Variants in SEMA5A observed in about 807,000 individuals in gnomAD.
SEMA5A encodes semaphorin 5A.
SEMA5A carries 55 observed loss-of-function variants against 135.5 expected under a neutral mutation model. The observed-to-expected ratio is 0.41, with a 90% CI of 0.33 to 0.51. The LOEUF (loss-of-function observed/expected upper bound fraction) is 0.51. Among genes scored for constraint, SEMA5A ranks in the 20% least tolerant of loss-of-function variants. The pLI is 0.37. For missense variants in SEMA5A, 1,290 were observed against 1,419.9 expected (o/e 0.91, Z 1.47); for synonymous variants, 580 against 546.5 (o/e 1.06, Z -0.85).
At position 9,379,807 on chromosome 5, in the gene SEMA5A, C is replaced by A. The variant is rs772418868; in HGVS notation, c.124+16G>T. 7 of 1,611,868 alleles carry A rather than the reference C, an allele frequency of 4.3e-6. No homozygotes were observed. Among genetic ancestry groups the A allele is most frequent in the African/African-American group, 1.3e-5 (1 of 74,660 alleles). On this transcript the variant is annotated intron_variant, in intron 3 of 22. Transcript: ENST00000382496. Reference sequence around the variant, plus strand: ...TTAGATGACGGCTTTGCAATCAGTGCGTGCTGGTTCCTTACCTTTATAGGA... The same window carrying A: ...TTAGATGACGGCTTTGCAATCAGTGAGTGCTGGTTCCTTACCTTTATAGGA...
Position 9,037,935 on chromosome 5 carries a change from C to T in SEMA5A, c.*4962G>A, listed in dbSNP as rs543599025. 1.3e-5 allele frequency: 2 copies of T among 152,310 alleles called. No individual in the cohort carries two copies. The highest frequency in any genetic ancestry group is 2.9e-5 in the Non-Finnish European group (2 of 68,034). 9.4% of individuals were successfully genotyped at this position (152,310 alleles called of 1,614,324 possible). On this transcript the variant is annotated 3_prime_UTR_variant, in exon 23 of 23. Coordinates refer to ENST00000382496, the MANE Select transcript of SEMA5A (RefSeq NM_003966.3). ...GCATGGCATTCCCTTTTATGCGTTT[C>T]TTAGGTCAAAGTGAACATTTCTCTA...
In SEMA5A at chr5:9,445,398, G is replaced by A. The variant is rs904424439; in HGVS notation, c.-174-7546C>T. Reference sequence around the variant, plus strand: ...AAAAAAAAAAAAGTGGGCCGGGCACGGTGGCTCACGCCTGTAATCCCAGGA... The same window carrying A: ...AAAAAAAAAAAAGTGGGCCGGGCACAGTGGCTCACGCCTGTAATCCCAGGA... On this transcript the variant is annotated intron_variant, in intron 1 of 22. Coordinates refer to ENST00000382496, the MANE Select transcript of SEMA5A (RefSeq NM_003966.3). Among the ~76,000 whole-genome samples, 7 of 151,818 alleles carry A rather than the reference G, an allele frequency of 4.6e-5. No homozygotes were observed. In the East Asian group the frequency reaches 7.7e-4, roughly 17 times the overall value.
intron 1 of SEMA5A, among the ~76,000 whole-genome samples, chr5:9,467,938 T>C (rs1196528306): frequency 6.6e-6 from 1 of 152,264 alleles, no homozygotes; most frequent in Non-Finnish European, 1.5e-5. Context: ...TAGCAGAGTC[T>C]AACTAATCTT....
chr5:9,220,434 A>T (rs1289260530), intron 8 of SEMA5A, among the ~76,000 whole-genome samples: 1 of 152,164 alleles, frequency 6.6e-6, no homozygotes, highest in Non-Finnish European at 1.5e-5. Context: ...GTGCCCCAGA[A>T]ATTATTGAAA....
At chr5:9,433,120 C>T (rs1757913762) in intron 2 of SEMA5A, among the ~76,000 whole-genome samples, 1 of 151,862 alleles carries the variant, frequency 6.6e-6, no homozygotes, top group Non-Finnish European at 1.5e-5. Flanking sequence ...CGAACATCCA[C>T]AATAAATTAA....
chr5:9,494,225 GC>G (rs961547335), intron 1 of SEMA5A, among the ~76,000 whole-genome samples: 1 of 152,052 alleles, frequency 6.6e-6, no homozygotes, highest in Non-Finnish European at 1.5e-5. Context: ...ATCTCTGGGG[GC>G]TATAGGAGAG....
chr5:9,256,391 G>C (rs563774730), intron 5 of SEMA5A, among the ~76,000 whole-genome samples: 4 of 152,148 alleles, frequency 2.6e-5, no homozygotes, highest in African/African-American at 9.6e-5. Context: ...CTTATCCACT[G>C]TTCCCTCTTC....
intron 21 of SEMA5A, among the ~76,000 whole-genome samples, chr5:9,046,159 T>G (rs934823201): frequency 6.6e-6 from 1 of 152,194 alleles, no homozygotes; most frequent in Non-Finnish European, 1.5e-5. Context: ...GAGCACATCC[T>G]GAGGACACCA....
At chr5:9,331,042 C>A (rs984019366) in intron 4 of SEMA5A, among the ~76,000 whole-genome samples, 1 of 152,150 alleles carries the variant, frequency 6.6e-6, no homozygotes, top group South Asian at 2.1e-4. Context: ...GATTTCATAC[C>A]GCTCAGCATG....
chr5:9,335,471 G>A (rs541995599), intron 4 of SEMA5A, among the ~76,000 whole-genome samples: 2 of 152,282 alleles, frequency 1.3e-5, no homozygotes, highest in African/African-American at 4.8e-5. Context: ...AGAATGAAGC[G>A]CTGGTCTGTT....
intron 1 of SEMA5A, among the ~76,000 whole-genome samples, chr5:9,482,330 G>A (rs909101600): frequency 6.6e-6 from 1 of 152,276 alleles, no homozygotes; most frequent in East Asian, 1.9e-4. Context: ...CAGAGGAACT[G>A]GAGGCCTTGT....
chr5:9,239,340 A>G (rs553961228), intron 5 of SEMA5A, among the ~76,000 whole-genome samples: 17 of 152,290 alleles, frequency 1.1e-4, no homozygotes, highest in South Asian at 2.1e-4. Context: ...GTCATAGCTA[A>G]TCAGCATCTG....
intron 1 of SEMA5A, among the ~76,000 whole-genome samples, chr5:9,499,432 G>A (rs907260609): frequency 6.6e-6 from 1 of 152,128 alleles, no homozygotes; most frequent in Admixed American, 6.5e-5. Flanking sequence ...AATTAACAAG[G>A]TTACAAAGCA....
At chr5:9,124,111 C>A (rs1349548562) in intron 13 of SEMA5A, among the ~76,000 whole-genome samples, 1 of 152,042 alleles carries the variant, frequency 6.6e-6, no homozygotes, top group African/African-American at 2.4e-5. Flanking sequence ...GGGAGCAACA[C>A]CAAGGACTGA....
chr5:9,487,113 A>G (rs1227145467), intron 1 of SEMA5A, among the ~76,000 whole-genome samples: 2 of 152,186 alleles, frequency 1.3e-5, no homozygotes, highest in Non-Finnish European at 2.9e-5. Context: ...AGTAAGAAAG[A>G]TACACTGGTA....
At chr5:9,542,570 T>C (rs1738152159) in intron 1 of SEMA5A, among the ~76,000 whole-genome samples, 1 of 152,190 alleles carries the variant, frequency 6.6e-6, no homozygotes, top group African/African-American at 2.4e-5. Flanking sequence ...TTTTAAACAT[T>C]ATTTAACACA....
chr5:9,212,018 G>C (rs1244641190), intron 8 of SEMA5A, among the ~76,000 whole-genome samples: 1 of 152,142 alleles, frequency 6.6e-6, no homozygotes. Context: ...ACCAGAGAAG[G>C]AAAGCCAGCT....
chr5:9,121,707 A>C (rs922364719), intron 14 of SEMA5A, among the ~76,000 whole-genome samples: 32 of 148,532 alleles, frequency 2.2e-4, no homozygotes, highest in African/African-American at 5.6e-4. Flanking sequence ...CAAAACAAAA[A>C]AAAACCCTAA....
At chr5:9,168,373 T>A (rs2150301263) in intron 11 of SEMA5A, among the ~76,000 whole-genome samples, 1 of 152,276 alleles carries the variant, frequency 6.6e-6, no homozygotes, top group Admixed American at 6.5e-5. Context: ...CTGTTTTTAG[T>A]CCATATCACC....
Sources: allele counts gnomAD v4.1 joint callset (sites outside exome capture counted in the v4.1 genomes callset), GRCh38; gene constraint gnomAD v4.1.1; transcripts MANE v1.5; gene names NCBI Gene and HGNC (gene_info 2026-07-23, HGNC 2026-07-21).